The following MCM9 variants were observed in gnomAD, a reference collection of about 807,000 sequenced individuals.
MCM9 encodes minichromosome maintenance 9 homologous recombination repair factor, also known as DNA helicase MCM9.
A neutral mutation model predicts 72.8 loss-of-function variants in MCM9; 55 were observed. That is an observed-to-expected ratio of 0.76 (90% CI 0.61 to 0.95). MCM9 has a LOEUF of 0.95. MCM9 is among the 40% of genes least tolerant of loss of function. The pLI is 0.00. For synonymous variants in MCM9, 480 were observed against 503.4 expected (o/e 0.95, Z 0.62); for missense variants, 1,279 against 1,377.0 (o/e 0.93, Z 1.13).
intron 8 of MCM9, among the ~76,000 whole-genome samples, chr6:118,881,538 T>C (rs1403358534): frequency 6.6e-6 from 1 of 152,130 alleles, no homozygotes; most frequent in Non-Finnish European, 1.5e-5. Context: ...TAAAGCTTCA[T>C]TAAAAACACC....
At chr6:118,888,685 C>T (rs1778755755) in intron 8 of MCM9, among the ~76,000 whole-genome samples, 1 of 152,012 alleles carries the variant, frequency 6.6e-6, no homozygotes, top group African/African-American at 2.4e-5. Context: ...CCTAGATGTC[C>T]ATCAACTGAC....
At chr6:118,895,191 C>A (rs938052734) in intron 8 of MCM9, among the ~76,000 whole-genome samples, 1 of 151,738 alleles carries the variant, frequency 6.6e-6, no homozygotes, top group Non-Finnish European at 1.5e-5. Context: ...AGGCTCGGCC[C>A]CTCCGCGCCG....
intron 3 of MCM9, among the ~76,000 whole-genome samples, chr6:118,925,397 AT>A (rs1458993094): frequency 2.6e-5 from 4 of 152,124 alleles, no homozygotes; most frequent in Admixed American, 1.3e-4. Flanking sequence ...TGGTCAGCAT[AT>A]TTTCTCCTAG....
Position 118,917,725 on chromosome 6 carries a change from C to T in MCM9, c.740G>A (p.Arg247Gln), listed in dbSNP as rs753954410. 13 of 1,614,082 alleles carry T rather than the reference C, an allele frequency of 8.1e-6. No homozygotes were observed. The highest frequency in any genetic ancestry group is 3.3e-5 in the South Asian group (3 of 91,084). Residue 247 changes from arginine to glutamine, a missense_variant, in exon 6 of 14, where the codon CGG (arginine) becomes CAG (glutamine). Coordinates refer to ENST00000619706, the MANE Select transcript of MCM9 (RefSeq NM_017696.3). The part of the protein sequence containing the change: ...DLTIYGIVMQ[R>Q]WKPFQQDVRC... ...CACATCTTGCTGAAAGGGCTTCCAC[C>T]GTTGCATTACAATCCCGTAAATAGT...
chr6:118,916,548 T>C (rs1780980063), intron 6 of MCM9, among the ~76,000 whole-genome samples: 2 of 151,470 alleles, frequency 1.3e-5, no homozygotes. Context: ...AACCTCTGCC[T>C]CCCGGGCTCA....
chr6:118,916,001 T>A (rs550989504), intron 6 of MCM9, among the ~76,000 whole-genome samples: 2 of 152,172 alleles, frequency 1.3e-5, no homozygotes, highest in African/African-American at 4.8e-5. Flanking sequence ...CTGTAATAAA[T>A]AAATAAATAA....
At chr6:118,897,533 C>A (rs1052388098) in intron 8 of MCM9, among the ~76,000 whole-genome samples, 1 of 152,036 alleles carries the variant, frequency 6.6e-6, no homozygotes, top group African/African-American at 2.4e-5. Context: ...TTTCCAACTT[C>A]AGCTTGTTCT....
rs1455468367 is a variant in MCM9, at chr6:118,872,288, C to T, written c.1151-15743G>A. Among the ~76,000 whole-genome samples, 5 of 149,206 alleles carry T rather than the reference C, an allele frequency of 3.4e-5. No individual in the cohort carries two copies. In the East Asian group the frequency reaches 9.9e-4, roughly 29 times the overall value. ...GAGCCGAGATTGTGCCACTGCACTC[C>T]AGCCTGGGCGATGGAGCAAGACTCC... On this transcript the variant is annotated intron_variant, in intron 8 of 13. Transcript: ENST00000619706.
intron 8 of MCM9, among the ~76,000 whole-genome samples, chr6:118,872,204 A>G (rs1470831797): frequency 6.6e-6 from 1 of 151,664 alleles, no homozygotes; most frequent in Admixed American, 6.6e-5. Context: ...CTGTAGTCCC[A>G]TTTACTCAGG....
intron 6 of MCM9, among the ~76,000 whole-genome samples, chr6:118,914,669 T>A (rs1273919568): frequency 6.6e-6 from 1 of 152,006 alleles, no homozygotes; most frequent in Non-Finnish European, 1.5e-5. Flanking sequence ...GTGACCAGAA[T>A]CTAGTGATTA....
At chr6:118,932,503 G>T in intron 2 of MCM9, 104 bp downstream of exon 2, 1 of 661,452 alleles carries the variant, frequency 1.5e-6, no homozygotes, top group Non-Finnish European at 1.9e-6. Flanking sequence ...CCTGGTTCTA[G>T]CTTTTGTTTA....
At chr6:118,818,748 C>T (rs1015552889) in intron 13 of MCM9, among the ~76,000 whole-genome samples, 1 of 152,124 alleles carries the variant, frequency 6.6e-6, no homozygotes, top group African/African-American at 2.4e-5. Context: ...TATTGATTCA[C>T]CCTATCCATG....
chr6:118,894,015 T>C, intron 8 of MCM9: 1 of 987,628 alleles, frequency 1.0e-6, no homozygotes, highest in Non-Finnish European at 1.2e-6. Flanking sequence ...TCCCAGCCCT[T>C]ATTCCACTCA....
At chr6:118,902,479 T>C (rs1374696317) in intron 8 of MCM9, among the ~76,000 whole-genome samples, 1 of 151,168 alleles carries the variant, frequency 6.6e-6, no homozygotes, top group Non-Finnish European at 1.5e-5. Context: ...ACTTTACTGA[T>C]AATTCATGAT....
intron 8 of MCM9, among the ~76,000 whole-genome samples, chr6:118,890,455 A>AT (rs554322152): frequency 1.3e-5 from 2 of 152,118 alleles, no homozygotes; most frequent in African/African-American, 4.8e-5. Flanking sequence ...TCAAGAAAAC[A>AT]TTTTTTCTTT....
At chr6:118,819,837 GT>G (rs1245550122) in intron 13 of MCM9, among the ~76,000 whole-genome samples, 1 of 152,096 alleles carries the variant, frequency 6.6e-6, no homozygotes, top group African/African-American at 2.4e-5. Flanking sequence ...CTTCTTCCTG[GT>G]TTAGTCTTGG....
At chr6:118,866,606 C>T (rs1340695691) in intron 8 of MCM9, among the ~76,000 whole-genome samples, 1 of 152,042 alleles carries the variant, frequency 6.6e-6, no homozygotes, top group Admixed American at 6.5e-5. Flanking sequence ...GATTGGTTAA[C>T]TTGAGACAGG....
intron 8 of MCM9, among the ~76,000 whole-genome samples, chr6:118,888,398 A>C (rs778525236): frequency 6.6e-6 from 1 of 152,090 alleles, no homozygotes; most frequent in Non-Finnish European, 1.5e-5. Flanking sequence ...AAGGCAGGAG[A>C]ATGGTGTGAA....
intron 6 of MCM9, among the ~76,000 whole-genome samples, chr6:118,916,433 A>C (rs9489542): frequency 0.041 from 1,068 of 25,762 alleles, 13 homozygotes; most frequent in African/African-American, 0.14. Flanking sequence ...AAATGGAAGC[A>C]TTATTATTAT....
Sources: gnomAD v4.1 joint callset for allele counts (sites outside exome capture counted in the v4.1 genomes callset) on GRCh38, gnomAD v4.1.1 for gene constraint, MANE v1.5 for transcripts, NCBI Gene and HGNC (gene_info 2026-07-23, HGNC 2026-07-21) for gene names.